Variants in RBPMS observed in about 807,000 individuals in gnomAD.
RBPMS encodes RNA-binding protein with multiple splicing.
Under a neutral mutation model 26.8 loss-of-function variants are expected in RBPMS, and 7 were observed. That is an observed-to-expected ratio of 0.26 (90% CI 0.15 to 0.49). The LOEUF (loss-of-function observed/expected upper bound fraction) is 0.49, where lower values mean the gene tolerates loss of function less well. Ranked by LOEUF, RBPMS falls within the 20% of genes least tolerant of loss-of-function variation. RBPMS has a pLI of 0.98. For missense variants in RBPMS, 186 were observed against 250.0 expected, an observed-to-expected ratio of 0.74 and a Z score of 1.73; for synonymous variants, 96 against 93.3, an observed-to-expected ratio of 1.03 and a Z score of -0.17.
chr8:30,465,448 T>C (rs866552285), intron 1 of RBPMS, among the ~76,000 whole-genome samples: 1 of 152,238 alleles, frequency 6.6e-6, no homozygotes, highest in Non-Finnish European at 1.5e-5. Flanking sequence ...CTTTTAGATA[T>C]ATGGCAGACA....
chr8:30,424,051 T>C (rs1811098600), intron 1 of RBPMS, among the ~76,000 whole-genome samples: 1 of 152,160 alleles, frequency 6.6e-6, no homozygotes, highest in Non-Finnish European at 1.5e-5. Flanking sequence ...TTGGCCAGGC[T>C]GGTCTCTAAC....
rs138621867 is a variant in RBPMS, at chr8:30,552,595, G to C, written c.529-6292G>C. ...TAGCAAACATAGTTAAAAATTAACA[G>C]ACTGACAGAATTAAATATGGATGAC... On this transcript the variant is annotated intron_variant, in intron 6 of 8. Coordinates refer to ENST00000397323, the MANE Select transcript of RBPMS (RefSeq NM_001008710.3). 20 of 152,304 alleles carry C rather than the reference G, an allele frequency of 1.3e-4. No individual in the cohort carries two copies. In the East Asian group the frequency reaches 3.9e-3, roughly 29 times the overall value. The allele number at this position is 152,304 out of a possible 1,614,324, so 9.4% of individuals were successfully genotyped here.
Position 30,423,006 on chromosome 8 carries a change from G to A in RBPMS, c.66+37848G>A, listed in dbSNP as rs116681155. On this transcript the variant is annotated intron_variant, in intron 1 of 8. Coordinates refer to ENST00000397323, the MANE Select transcript of RBPMS (RefSeq NM_001008710.3). ...TCATTTTGTAGCCATCATGTTCATT[G>A]CAGCTATCCCAAGTGGGGTTGAGAA... Among the ~76,000 whole-genome samples, 608 of 152,284 alleles carry A rather than the reference G, an allele frequency of 4.0e-3. 4 individuals are homozygous for A. The highest frequency in any genetic ancestry group is 0.014 in the African/African-American group (588 of 41,560).
At chr8:30,496,191 C>T (rs976649892) in intron 4 of RBPMS, among the ~76,000 whole-genome samples, 7 of 144,146 alleles carry the variant, frequency 4.9e-5, no homozygotes, top group African/African-American at 1.6e-4. Flanking sequence ...TTTTTTGAGA[C>T]GGAGTCTTGC....
chr8:30,463,014 C>A (rs1049041162), intron 1 of RBPMS, among the ~76,000 whole-genome samples: 1 of 152,174 alleles, frequency 6.6e-6, no homozygotes, highest in Admixed American at 6.5e-5. Context: ...AGGATGCAGA[C>A]TTACTTTCTC....
chr8:30,508,493 C>T (rs1028882435), intron 5 of RBPMS, among the ~76,000 whole-genome samples: 13 of 152,164 alleles, frequency 8.5e-5, no homozygotes, highest in Non-Finnish European at 1.0e-4. Context: ...AGAGTCAGTA[C>T]GCAGTGACTG....
intron 1 of RBPMS, among the ~76,000 whole-genome samples, chr8:30,454,947 C>G (rs996864046): frequency 6.6e-6 from 1 of 152,174 alleles, no homozygotes; most frequent in East Asian, 1.9e-4. Context: ...CTCAGCCTCC[C>G]AAGTAGCTGG....
chr8:30,567,341 C>G (rs757906106), intron 8 of RBPMS, among the ~76,000 whole-genome samples: 1 of 152,188 alleles, frequency 6.6e-6, no homozygotes, highest in Non-Finnish European at 1.5e-5. Flanking sequence ...CCACCTCCCA[C>G]CACCCCAGAG....
At chr8:30,544,355 A>G in intron 5 of RBPMS, 139 bp from the exon 6 acceptor site, 1 of 869,074 alleles carries the variant, frequency 1.2e-6, no homozygotes, top group Non-Finnish European at 1.8e-6. Flanking sequence ...CAAAGCCAAC[A>G]AACAACAGGT....
intron 1 of RBPMS, among the ~76,000 whole-genome samples, chr8:30,461,289 A>C (rs140617958): frequency 3.3e-5 from 5 of 152,292 alleles, no homozygotes; most frequent in African/African-American, 1.2e-4. Flanking sequence ...TTTAGGGACA[A>C]TTTTTCTTCA....
At chr8:30,463,209 A>G (rs919122690) in intron 1 of RBPMS, among the ~76,000 whole-genome samples, 5 of 152,254 alleles carry the variant, frequency 3.3e-5, no homozygotes, top group African/African-American at 1.2e-4. Flanking sequence ...TGCACATTGC[A>G]TGTAGTTAAC....
chr8:30,519,112 GTTTA>G (rs1822715717), intron 5 of RBPMS, among the ~76,000 whole-genome samples: 1 of 152,092 alleles, frequency 6.6e-6, no homozygotes, highest in African/African-American at 2.4e-5. Flanking sequence ...TTCTTGGCAG[GTTTA>G]CAAAGAAACC....
chr8:30,460,736 C>T (rs1252884667), intron 1 of RBPMS, among the ~76,000 whole-genome samples: 1 of 151,992 alleles, frequency 6.6e-6, no homozygotes, highest in Non-Finnish European at 1.5e-5. Flanking sequence ...TATTTTATTG[C>T]CTTTTAGATT....
intron 5 of RBPMS, among the ~76,000 whole-genome samples, chr8:30,543,997 G>T (rs141687234): frequency 1.3e-5 from 2 of 152,312 alleles, no homozygotes; most frequent in Admixed American, 6.5e-5. Context: ...AATGCTTGAT[G>T]ATCATTACTG....
At chr8:30,550,075 C>A (rs976434022) in intron 6 of RBPMS, among the ~76,000 whole-genome samples, 47 of 152,224 alleles carry the variant, frequency 3.1e-4, no homozygotes, top group South Asian at 2.1e-4. Flanking sequence ...TGGTCTCGAT[C>A]TCATGACCTT....
chr8:30,474,925 GA>G lies in RBPMS; in HGVS notation c.144+71del, dbSNP rs1247659936. On this transcript the variant is annotated intron_variant, in intron 2 of 8. Coordinates refer to ENST00000397323, the MANE Select transcript of RBPMS (RefSeq NM_001008710.3). Reference sequence around the variant, plus strand: ...TCTGTATGCTTTCTGGGAGCTTTTTGAAGCAAGAAATGAAATATTTGAGAAG... The same window carrying G: ...TCTGTATGCTTTCTGGGAGCTTTTTGAGCAAGAAATGAAATATTTGAGAAG... 5.7e-5 allele frequency: 56 copies of G among 990,022 alleles called. No individual in the cohort carries two copies. In the Admixed American group the frequency reaches 6.4e-4, roughly 11 times the overall value. The allele number at this position is 990,022 out of a possible 1,614,324, so 61.3% of individuals were successfully genotyped here. A position where few individuals can be genotyped will look rare whatever the true frequency, so the allele number is the denominator to read the frequency against.
At chr8:30,499,197 G>A (rs1820299232) in intron 4 of RBPMS, among the ~76,000 whole-genome samples, 1 of 152,140 alleles carries the variant, frequency 6.6e-6, no homozygotes, top group Admixed American at 6.5e-5. Flanking sequence ...AACACAGGAG[G>A]TGGAGGTTGC....
At chr8:30,528,527 A>T (rs976791865) in intron 5 of RBPMS, among the ~76,000 whole-genome samples, 1 of 152,186 alleles carries the variant, frequency 6.6e-6, no homozygotes, top group African/African-American at 2.4e-5. Flanking sequence ...AGGTCATTAG[A>T]TAGTGCATGT....
intron 5 of RBPMS, among the ~76,000 whole-genome samples, chr8:30,521,595 A>G (rs1039030062): frequency 2.0e-5 from 3 of 152,200 alleles, no homozygotes; most frequent in Non-Finnish European, 2.9e-5. Flanking sequence ...AAATTATTTT[A>G]GATTACTCAT....
Sources: gnomAD v4.1 joint callset for allele counts (sites outside exome capture counted in the v4.1 genomes callset) on GRCh38, gnomAD v4.1.1 for gene constraint, MANE v1.5 for transcripts, NCBI Gene and HGNC (gene_info 2026-07-23, HGNC 2026-07-21) for gene names.